PIP4K2A: variants seen among roughly 807,000 people sequenced by gnomAD.
PIP4K2A encodes phosphatidylinositol-5-phosphate 4-kinase type 2 alpha, also known as phosphatidylinositol 5-phosphate 4-kinase type-2 alpha.
PIP4K2A carries 14 observed loss-of-function variants against 42.9 expected under a neutral mutation model. The ratio of observed to expected loss-of-function variants is 0.33; its 90% CI spans 0.22 to 0.51. The LOEUF (loss-of-function observed/expected upper bound fraction) is 0.51, where lower values mean the gene tolerates loss of function less well. PIP4K2A is among the 20% of genes least tolerant of loss of function. The pLI is 0.97. For synonymous variants in PIP4K2A, 192 were observed against 192.2 expected, an observed-to-expected ratio of 1.00 and a Z score of 0.01; for missense variants, 434 against 519.8, an observed-to-expected ratio of 0.83 and a Z score of 1.61.
chr10:22,558,887 G>A (rs1836617411), intron 6 of PIP4K2A, among the ~76,000 whole-genome samples: 1 of 152,174 alleles, frequency 6.6e-6, no homozygotes. Flanking sequence ...CTAGCTGTTG[G>A]CAATTTTCCC....
intron 1 of PIP4K2A, among the ~76,000 whole-genome samples, chr10:22,623,447 C>T (rs1419358612): frequency 6.6e-6 from 1 of 152,146 alleles, no homozygotes; most frequent in African/African-American, 2.4e-5. Context: ...CGGTGTGCTC[C>T]TCGGGGAGAA....
At chr10:22,550,580 G>A in intron 7 of PIP4K2A, 79 bp downstream of exon 7, 1 of 816,544 alleles carries the variant, frequency 1.2e-6, no homozygotes, top group Non-Finnish European at 2.1e-6. Context: ...GATTTAAATA[G>A]ATGGTTTAAA....
In PIP4K2A at chr10:22,548,684, T is replaced by C. The variant is rs534000159; in HGVS notation, c.792+1975A>G. On this transcript the variant is annotated intron_variant, in intron 7 of 9. Transcript: ENST00000376573. ...CAACTGAGGAAAACTAAACATTCCT[T>C]AATGAAAGACTGGAGGAAAATGTTA... Among the ~76,000 whole-genome samples, 3 of 152,328 alleles carry C rather than the reference T, an allele frequency of 2.0e-5. No individual in the cohort carries two copies. The South Asian group carries it at 6.2e-4, about 32-fold the overall frequency.
At chr10:22,581,892 G>A (rs1338719424) in intron 4 of PIP4K2A, among the ~76,000 whole-genome samples, 6 of 151,954 alleles carry the variant, frequency 3.9e-5, no homozygotes, top group African/African-American at 7.3e-5. Context: ...CAGGAGGATC[G>A]CTTGAGTCCA....
At position 22,591,624 on chromosome 10, in the gene PIP4K2A, A is replaced by T. The variant is rs201445178; in HGVS notation, c.492+5T>A. 3.0e-4 allele frequency: 476 copies of T among 1,597,636 alleles called. 2 individuals are homozygous for T. In the African/African-American group the frequency reaches 5.9e-3, roughly 20 times the overall value. On this transcript the variant is annotated splice_donor_5th_base_variant and intron_variant, in intron 4 of 9. Transcript: ENST00000376573. ...GAGTTTCAAATAAAGATCAAGAAAA[A>T]TTACCTGGTGGTATTTCTTCAGGAT... is the stretch of plus-strand genomic sequence containing the variant.
chr10:22,639,311 C>A (rs1164406019), intron 1 of PIP4K2A, among the ~76,000 whole-genome samples: 2 of 150,544 alleles, frequency 1.3e-5, no homozygotes, highest in African/African-American at 4.9e-5. Flanking sequence ...ACCAGCTGAG[C>A]TTACCAGAAA....
At chr10:22,539,821 C>T (rs988776695) in intron 9 of PIP4K2A, 150 bp downstream of exon 9, 2 of 682,490 alleles carry the variant, frequency 2.9e-6, no homozygotes, top group African/African-American at 3.6e-5. Context: ...TTGAATGGCT[C>T]AGTAGAAAGC....
At chr10:22,564,436 C>G (rs1444870153) in intron 6 of PIP4K2A, among the ~76,000 whole-genome samples, 2 of 152,114 alleles carry the variant, frequency 1.3e-5, no homozygotes, top group Non-Finnish European at 2.9e-5. Context: ...AAAAACAGAC[C>G]CACCAACATG....
chr10:22,672,150 T>C (rs1026559459), intron 1 of PIP4K2A, among the ~76,000 whole-genome samples: 8 of 152,172 alleles, frequency 5.3e-5, no homozygotes, highest in Admixed American at 1.3e-4. Context: ...TAGGCAGTTA[T>C]TGTTAAATGA....
intron 1 of PIP4K2A, chr10:22,659,674 G>T (rs1428506061): frequency 6.6e-6 from 1 of 152,318 alleles, no homozygotes; most frequent in Non-Finnish European, 1.5e-5. Context: ...AGGGCATGGT[G>T]GCAGGCGCCT....
chr10:22,539,924 A>AGAGG lies in PIP4K2A; in HGVS notation c.1140+46_1140+47insCCTC, dbSNP rs1554792200. ...GAGAGAGAGAGAGGGAGAGAGAGAG[A>AGAGG]GAGAGAGGGAGAGAAAGAGAGAAGG... On this transcript the variant is annotated intron_variant, in intron 9 of 9. Coordinates refer to ENST00000376573, the MANE Select transcript of PIP4K2A (RefSeq NM_005028.5). 2.8e-4 allele frequency: 269 copies of AGAGG among 950,188 alleles called. No individual in the cohort carries two copies. The African/African-American group carries it at 4.1e-3, about 15-fold the overall frequency. The allele number at this position is 950,188 out of a possible 1,614,324, so 58.9% of individuals were successfully genotyped here.
chr10:22,648,549 TC>T (rs1305108085), intron 1 of PIP4K2A, among the ~76,000 whole-genome samples: 2 of 152,220 alleles, frequency 1.3e-5, no homozygotes, highest in African/African-American at 4.8e-5. Flanking sequence ...TGGAAAACAC[TC>T]TTCCTGTCAT....
chr10:22,553,930 G>A (rs1836472737), intron 6 of PIP4K2A, among the ~76,000 whole-genome samples: 2 of 151,424 alleles, frequency 1.3e-5, no homozygotes, highest in South Asian at 4.2e-4. Context: ...GAGCCCAGAA[G>A]TTCGAGACCA....
rs1003023297 is a variant in PIP4K2A at position 22,609,756 on chromosome 10, T to C, written c.145-39A>G. ...AAATAAATAGCATGGGTTATTACTA[T>C]CCAGGTGAGGAGGACTTGACTTGAA... On this transcript the variant is annotated intron_variant, in intron 1 of 9. Transcript: ENST00000376573. 6 of 1,233,360 alleles carry C rather than the reference T, an allele frequency of 4.9e-6. No homozygotes were observed. In the Admixed American group the frequency reaches 5.8e-5, roughly 12 times the overall value. The allele number at this position is 1,233,360 out of a possible 1,614,324, so 76.4% of individuals were successfully genotyped here.
At chr10:22,675,876 G>A (rs1435888147) in intron 1 of PIP4K2A, among the ~76,000 whole-genome samples, 2 of 152,186 alleles carry the variant, frequency 1.3e-5, no homozygotes, top group Non-Finnish European at 2.9e-5. Context: ...CGACTTGGAA[G>A]AAGGAAACTG....
intron 2 of PIP4K2A, 107 bp downstream of exon 2, chr10:22,609,513 C>G (rs991461368): frequency 8.6e-6 from 6 of 701,292 alleles, no homozygotes; most frequent in Admixed American, 4.9e-5. Flanking sequence ...ACTTCATCAG[C>G]AAAACTTTAC....
chr10:22,608,104 C>A, intron 2 of PIP4K2A, 81 bp from the exon 3 acceptor site: 1 of 889,172 alleles, frequency 1.1e-6, no homozygotes, highest in Non-Finnish European at 1.8e-6. Flanking sequence ...CCACAGGTAG[C>A]CAAAGAAGGG....
chr10:22,594,306 A>T (rs1837579666), intron 3 of PIP4K2A, among the ~76,000 whole-genome samples: 1 of 152,264 alleles, frequency 6.6e-6, no homozygotes, highest in African/African-American at 2.4e-5. Context: ...GAAACTTTAT[A>T]GTTCAGAATA....
At chr10:22,569,069 A>G (rs1035776044) in intron 5 of PIP4K2A, 1 of 1,532,064 alleles carries the variant, frequency 6.5e-7, no homozygotes, top group South Asian at 1.2e-5. Flanking sequence ...AAAGAAATCA[A>G]AATTTTTGAT....
Sources: gnomAD v4.1 joint callset for allele counts (sites outside exome capture counted in the v4.1 genomes callset) on GRCh38, gnomAD v4.1.1 for gene constraint, MANE v1.5 for transcripts, NCBI Gene and HGNC (gene_info 2026-07-23, HGNC 2026-07-21) for gene names.